The following ADCY5 variants were observed in gnomAD, a reference collection of about 807,000 sequenced individuals.
ADCY5 encodes adenylate cyclase 5, also known as adenylate cyclase type 5.
In ADCY5, 30 loss-of-function variants were observed where a neutral mutation model predicts 119.7. That is an observed-to-expected ratio of 0.25 (90% CI 0.19 to 0.34). The LOEUF (loss-of-function observed/expected upper bound fraction) is 0.34, where lower values mean the gene tolerates loss of function less well. ADCY5 is among the 10% of genes least tolerant of loss of function. The pLI is 1.00. For synonymous variants in ADCY5, 753 were observed against 762.2 expected (o/e 0.99, Z 0.20); for missense variants, 1,324 against 1,775.2 (o/e 0.75, Z 4.57).
intron 1 of ADCY5, among the ~76,000 whole-genome samples, chr3:123,377,948 AC>A (rs1239976294): frequency 1.3e-5 from 2 of 150,828 alleles, no homozygotes; most frequent in Non-Finnish European, 3.0e-5. Context: ...AAAAAAAAAA[AC>A]TCAAAAAATA....
chr3:123,300,891 C>T (rs1249232425), intron 14 of ADCY5, among the ~76,000 whole-genome samples: 1 of 152,222 alleles, frequency 6.6e-6, no homozygotes, highest in Non-Finnish European at 1.5e-5. Flanking sequence ...AGACATGCTA[C>T]TACTGTGGAA....
intron 1 of ADCY5, among the ~76,000 whole-genome samples, chr3:123,445,345 C>CA (rs1404167601): frequency 2.7e-5 from 4 of 150,166 alleles, no homozygotes; most frequent in South Asian, 4.3e-4. Flanking sequence ...TGGGGCCCCC[C>CA]CCAAGGCTCA....
At chr3:123,313,024 G>A (rs910993129) in intron 12 of ADCY5, among the ~76,000 whole-genome samples, 2 of 152,124 alleles carry the variant, frequency 1.3e-5, no homozygotes, top group African/African-American at 2.4e-5. Context: ...ACCAGCTAAC[G>A]TTAAGCCCTA....
In ADCY5 at chr3:123,284,496, G is replaced by C; in HGVS notation, c.*112C>G. 6.7e-7 allele frequency: 1 copy of C among 1,489,336 alleles called. No individual in the cohort carries two copies. The highest frequency in any genetic ancestry group is 2.3e-5 in the East Asian group (1 of 43,824). 92.3% of individuals were successfully genotyped at this position (1,489,336 alleles called of 1,614,324 possible). On this transcript the variant is annotated 3_prime_UTR_variant, in exon 21 of 21. Coordinates refer to ENST00000462833, the MANE Select transcript of ADCY5 (RefSeq NM_183357.3). ...TCTGGAGTCCAAGTGGAAAATCTCAGCAGCGCAGCCCTGCGGGCTGGAGCA... is the reference window on the plus strand; with the variant it reads ...TCTGGAGTCCAAGTGGAAAATCTCACCAGCGCAGCCCTGCGGGCTGGAGCA...
chr3:123,298,010 A>AT (rs1365974577), intron 15 of ADCY5, among the ~76,000 whole-genome samples: 3 of 150,910 alleles, frequency 2.0e-5, no homozygotes, highest in Non-Finnish European at 3.0e-5. Context: ...TTATTTTTTT[A>AT]TTTTTTTGAG....
At chr3:123,335,081 C>T (rs935843196) in intron 3 of ADCY5, among the ~76,000 whole-genome samples, 1 of 152,158 alleles carries the variant, frequency 6.6e-6, no homozygotes. Flanking sequence ...GAGTCCACTG[C>T]TGACGACAAC....
intron 13 of ADCY5, 143 bp from the exon 14 acceptor site, chr3:123,303,362 T>C: frequency 1.0e-6 from 1 of 973,612 alleles, no homozygotes; most frequent in South Asian, 1.7e-5. Flanking sequence ...TCTGAAAGAG[T>C]CTGAGGAACG....
rs1020625417 is a variant in ADCY5, at chr3:123,323,496, C to G, written c.2088+1826G>C. 4.6e-5 allele frequency among the ~76,000 whole-genome samples: 7 copies of G among 152,090 alleles called. No homozygotes were observed. The East Asian group carries it at 1.4e-3, about 29-fold the overall frequency. ...GGCCCTGCCTCCCTGCTGGTTGTTC[C>G]CTGCTCTTCCCTGGCCACCTCTCTG... On this transcript the variant is annotated intron_variant, in intron 8 of 20. Transcript: ENST00000462833.
chr3:123,305,848 C>T (rs1254044130), intron 12 of ADCY5, among the ~76,000 whole-genome samples: 1 of 152,104 alleles, frequency 6.6e-6, no homozygotes, highest in Non-Finnish European at 1.5e-5. Context: ...AAAGAGGGGA[C>T]CACAAAGATG....
intron 1 of ADCY5, among the ~76,000 whole-genome samples, chr3:123,391,694 T>C (rs1944405071): frequency 6.6e-6 from 1 of 152,210 alleles, no homozygotes; most frequent in South Asian, 2.1e-4. Context: ...GGCCTGGGGT[T>C]CCTGTTAGGT....
rs150191679 is a variant in ADCY5, at chr3:123,415,229, T to C, written c.1134+32183A>G. Among the ~76,000 whole-genome samples the C allele has an allele frequency of 2.0e-3, 309 of 152,314 alleles. 1 individual carries two copies. Among genetic ancestry groups the C allele is most frequent in the African/African-American group, 7.1e-3 (294 of 41,578 alleles). On this transcript the variant is annotated intron_variant, in intron 1 of 20. Transcript: ENST00000462833. ...ATGCATTTGTTAGAGAGGAATGGGATGGAATCATAAAACTTCCTTTGGCTC... is the reference window on the plus strand; with the variant it reads ...ATGCATTTGTTAGAGAGGAATGGGACGGAATCATAAAACTTCCTTTGGCTC...
chr3:123,408,501 C>G (rs994814654), intron 1 of ADCY5, among the ~76,000 whole-genome samples: 8 of 150,790 alleles, frequency 5.3e-5, no homozygotes, highest in African/African-American at 2.0e-4. Context: ...ACTAAAAATA[C>G]AAAAATTAGC....
chr3:123,299,664 G>A (rs1939717765), intron 15 of ADCY5, among the ~76,000 whole-genome samples: 1 of 152,254 alleles, frequency 6.6e-6, no homozygotes, highest in Admixed American at 6.5e-5. Flanking sequence ...CCAGCCTTAT[G>A]TGGTGGGCCT....
intron 1 of ADCY5, chr3:123,416,461 G>A: frequency 3.5e-6 from 3 of 868,122 alleles, no homozygotes; most frequent in Non-Finnish European, 5.1e-6. Flanking sequence ...GGAGGGAGGA[G>A]GCTCTAAGGC....
rs566672354 is a variant in ADCY5 at position 123,365,170 on chromosome 3, A to T, written c.1135-12589T>A. 5.3e-5 allele frequency among the ~76,000 whole-genome samples: 8 copies of T among 152,216 alleles called. No individual in the cohort carries two copies. The East Asian group carries it at 1.5e-3, about 29-fold the overall frequency. The stretch of plus-strand genomic sequence containing the variant: ...ATAGGGTTTCACCATGCTGGCCAGG[A>T]GGTCTTGAACTCCTGACCTCAGGTG... On this transcript the variant is annotated intron_variant, in intron 1 of 20. Transcript: ENST00000462833.
intron 1 of ADCY5, among the ~76,000 whole-genome samples, chr3:123,394,002 G>A (rs555029532): frequency 1.3e-5 from 2 of 152,200 alleles, no homozygotes; most frequent in Non-Finnish European, 2.9e-5. Context: ...TTAGCCAGGC[G>A]TGGTGATGGG....
At chr3:123,338,407 T>C (rs932974901) in intron 3 of ADCY5, among the ~76,000 whole-genome samples, 1 of 152,240 alleles carries the variant, frequency 6.6e-6, no homozygotes, top group African/African-American at 2.4e-5. Context: ...GGGAGGATTC[T>C]GCTTAATGAC....
chr3:123,299,296 G>A (rs984079466), intron 15 of ADCY5, among the ~76,000 whole-genome samples: 1 of 152,150 alleles, frequency 6.6e-6, no homozygotes, highest in Non-Finnish European at 1.5e-5. Flanking sequence ...AACTTGGTGC[G>A]TGTGTCTTCC....
intron 1 of ADCY5, among the ~76,000 whole-genome samples, chr3:123,393,279 C>T (rs1944446736): frequency 6.6e-6 from 1 of 152,112 alleles, no homozygotes; most frequent in Admixed American, 6.5e-5. Flanking sequence ...TGGCCGGGTG[C>T]AGTGGCTCCT....
Sources: gnomAD v4.1 joint callset for allele counts (sites outside exome capture counted in the v4.1 genomes callset) on GRCh38, gnomAD v4.1.1 for gene constraint, MANE v1.5 for transcripts, NCBI Gene and HGNC (gene_info 2026-07-23, HGNC 2026-07-21) for gene names.